Variants in WDR72 observed in about 807,000 individuals in gnomAD.
WDR72 encodes WD repeat domain 72, also known as WD repeat-containing protein 72.
A neutral mutation model predicts 124.2 loss-of-function variants in WDR72; 120 were observed. That is an observed-to-expected ratio of 0.97 (90% CI 0.83 to 1.12). The LOEUF (loss-of-function observed/expected upper bound fraction) is 1.12. Ranked by LOEUF, WDR72 falls within the 50% of genes most tolerant of loss-of-function variation. The probability of loss-of-function intolerance (pLI) is 0.00; values close to 1 mark genes in which losing one functional copy is unlikely to be tolerated. For missense variants in WDR72, 1,387 were observed against 1,278.8 expected (o/e 1.08, Z -1.29); for synonymous variants, 452 against 441.7 (o/e 1.02, Z -0.29).
chr15:53,536,500 GAA>G (rs939207618), intron 18 of WDR72, among the ~76,000 whole-genome samples: 1 of 152,074 alleles, frequency 6.6e-6, no homozygotes, highest in Non-Finnish European at 1.5e-5. Context: ...GACCTCCAAA[GAA>G]AGGAAGGGTG....
chr15:53,753,825 T>A (rs759914819), intron 1 of WDR72, among the ~76,000 whole-genome samples: 83 of 152,186 alleles, frequency 5.5e-4, no homozygotes, highest in Non-Finnish European at 7.1e-4. Flanking sequence ...GGCTTTCCTA[T>A]GCATTTTCTC....
chr15:53,581,590 A>G (rs2140318272), intron 18 of WDR72, among the ~76,000 whole-genome samples: 1 of 152,196 alleles, frequency 6.6e-6, no homozygotes, highest in South Asian at 2.1e-4. Context: ...GTTACTGATG[A>G]ACCTTAGCAT....
intron 18 of WDR72, chr15:53,540,882 G>A (rs1012977454): frequency 7.2e-5 from 11 of 153,828 alleles, no homozygotes; most frequent in Middle Eastern, 3.1e-3. Flanking sequence ...AAGGGGTGAC[G>A]GACGCACCTG....
At chr15:53,611,661 A>T (rs1315232858) in intron 16 of WDR72, among the ~76,000 whole-genome samples, 1 of 152,098 alleles carries the variant, frequency 6.6e-6, no homozygotes, top group Non-Finnish European at 1.5e-5. Context: ...GGGGTTAGGA[A>T]TCAGATTTGG....
rs372658429 is a variant in WDR72 at position 53,619,533 on chromosome 15, CA to C, written c.1963-3291del. On this transcript the variant is annotated intron_variant, in intron 14 of 19. Transcript: ENST00000360509. ...CCCCTCCATCTAGGGCTGAGACCAA[CA>C]AAGACAAATATTTTTATTCTCTTCT... Among the ~76,000 whole-genome samples the C allele has an allele frequency of 3.2e-3, 483 of 152,050 alleles. 2 individuals carry two copies. The highest frequency in any genetic ancestry group is 0.011 in the African/African-American group (460 of 41,486).
chr15:53,743,138 T>C (rs1469985318), intron 1 of WDR72, among the ~76,000 whole-genome samples: 1 of 152,086 alleles, frequency 6.6e-6, no homozygotes, highest in Non-Finnish European at 1.5e-5. Flanking sequence ...ATGTATATCC[T>C]ACCATTTTCA....
At chr15:53,685,158 C>T (rs1254468757) in intron 13 of WDR72, among the ~76,000 whole-genome samples, 1 of 148,794 alleles carries the variant, frequency 6.7e-6, no homozygotes, top group Non-Finnish European at 1.5e-5. Context: ...GAGCGCCTCT[C>T]CTCCTCCAAA....
At chr15:53,693,504 T>C (rs745969499) in intron 13 of WDR72, among the ~76,000 whole-genome samples, 1 of 152,232 alleles carries the variant, frequency 6.6e-6, no homozygotes, top group Non-Finnish European at 1.5e-5. Flanking sequence ...TATTAGCTGT[T>C]GGTTGACAAA....
At chr15:53,725,233 T>A (rs1332847321) in intron 2 of WDR72, among the ~76,000 whole-genome samples, 3 of 151,692 alleles carry the variant, frequency 2.0e-5, no homozygotes, top group African/African-American at 7.3e-5. Context: ...ATAAGAGAAG[T>A]GCAAATTAAA....
Position 53,514,903 on chromosome 15 carries a change from G to A in WDR72, c.*2796C>T, listed in dbSNP as rs1472647482. 3 of 151,388 alleles carry A rather than the reference G, an allele frequency of 2.0e-5. No homozygotes were observed. The highest frequency in any genetic ancestry group is 4.4e-5 in the Non-Finnish European group (3 of 67,908). The allele number at this position is 151,388 out of a possible 1,614,324, so 9.4% of individuals were successfully genotyped here. A position where few individuals can be genotyped will look rare whatever the true frequency, so the allele number is the denominator to read the frequency against. ...TGCTTTTAACCCTCCAGGCTTTCCA[G>A]GTACTTTTTCCTGCAATATACAATG... On this transcript the variant is annotated 3_prime_UTR_variant, in exon 20 of 20. Transcript: ENST00000360509.
At chr15:53,711,217 C>T (rs559434637) in intron 8 of WDR72, 119 bp downstream of exon 8, 4 of 1,465,168 alleles carry the variant, frequency 2.7e-6, no homozygotes, top group Non-Finnish European at 3.8e-6. Flanking sequence ...CTTCTAGTGC[C>T]AAAGTTGTTT....
rs2017514547 is a variant in WDR72, at chr15:53,710,897, T to C, written c.914A>G (p.Tyr305Cys). The change falls in exon 9 of 20, where the codon TAT becomes TGT. Residue 305 changes from tyrosine (Y) to cysteine (C), a missense_variant. Tyr to Cys is a radical substitution (Grantham distance 194). Transcript: ENST00000360509. ...AGAAGTAGAGCACAGTAAATGAGGATAAATGGTCTCTTTAAGCACTCTTCC... is the reference window on the plus strand; with the variant it reads ...AGAAGTAGAGCACAGTAAATGAGGACAAATGGTCTCTTTAAGCACTCTTCC... ...ADGRVLKETI[Y>C]PHLLCSTSVQ... The C allele has an allele frequency of 6.2e-7, 1 of 1,613,872 alleles. No homozygotes were observed. Among genetic ancestry groups the C allele is most frequent in the South Asian group, 1.1e-5 (1 of 91,084 alleles).
Position 53,673,819 on chromosome 15 carries a change from G to A in WDR72, c.1766-8051C>T, listed in dbSNP as rs1430273339. Among the ~76,000 whole-genome samples the A allele has an allele frequency of 9.2e-5, 14 of 152,010 alleles. No individual in the cohort carries two copies. The East Asian group carries it at 2.5e-3, about 27-fold the overall frequency. On this transcript the variant is annotated intron_variant, in intron 13 of 19. Coordinates refer to ENST00000360509, the MANE Select transcript of WDR72 (RefSeq NM_182758.4). ...AGCCTGACCAACATGGCGAAACCCC[G>A]TCTCTACTAAAAATACAAAAAATTA...
At chr15:53,720,678 G>C (rs1018667592) in intron 3 of WDR72, among the ~76,000 whole-genome samples, 1 of 152,158 alleles carries the variant, frequency 6.6e-6, no homozygotes, top group Non-Finnish European at 1.5e-5. Context: ...TGGGAAGTCA[G>C]CTCTCTGCTT....
chr15:53,557,250 G>A (rs1182505388), intron 18 of WDR72, among the ~76,000 whole-genome samples: 1 of 152,090 alleles, frequency 6.6e-6, no homozygotes, highest in Admixed American at 6.6e-5. Flanking sequence ...GTTCTTGCCT[G>A]TTTTCTAAGT....
chr15:53,525,991 A>G (rs932747883), intron 18 of WDR72, among the ~76,000 whole-genome samples: 3 of 151,988 alleles, frequency 2.0e-5, no homozygotes, highest in African/African-American at 2.4e-5. Flanking sequence ...AATCCTTGCA[A>G]TTGTTCTTTT....
chr15:53,602,546 G>C, intron 17 of WDR72, among the ~76,000 whole-genome samples: 1 of 151,484 alleles, frequency 6.6e-6, no homozygotes, highest in African/African-American at 2.4e-5. Context: ...ACAAACCCAA[G>C]AGCTGGTTTT....
rs1358743613 is a variant in WDR72, at chr15:53,515,173, A to C, written c.*2526T>G. ...AAACACAAGACAAAATTTTTAAATA[A>C]ATTTTTTATTACAATGACAGGAAGA... On this transcript the variant is annotated 3_prime_UTR_variant, in exon 20 of 20. Coordinates refer to ENST00000360509, the MANE Select transcript of WDR72 (RefSeq NM_182758.4). The C allele has an allele frequency of 6.7e-6, 1 of 150,186 alleles. No homozygotes were observed. The highest frequency in any genetic ancestry group is 1.5e-5 in the Non-Finnish European group (1 of 67,350). The allele number at this position is 150,186 out of a possible 1,614,324, so 9.3% of individuals were successfully genotyped here.
intron 18 of WDR72, among the ~76,000 whole-genome samples, chr15:53,531,237 T>A (rs1343025504): frequency 2.6e-5 from 4 of 152,038 alleles, no homozygotes; most frequent in Non-Finnish European, 5.9e-5. Context: ...AAAAACATAT[T>A]GAGATTGAAC....
Sources: allele counts gnomAD v4.1 joint callset (sites outside exome capture counted in the v4.1 genomes callset), GRCh38; gene constraint gnomAD v4.1.1; transcripts MANE v1.5; gene names NCBI Gene and HGNC (gene_info 2026-07-23, HGNC 2026-07-21).